UNC13B: variants seen among roughly 807,000 people sequenced by gnomAD.
UNC13B encodes unc-13 homolog B.
A neutral mutation model predicts 211.0 loss-of-function variants in UNC13B; 144 were observed. That is an observed-to-expected ratio of 0.68 (90% CI 0.60 to 0.78). The LOEUF is 0.78. Among genes scored for constraint, UNC13B ranks in the 30% least tolerant of loss-of-function variants. UNC13B has a pLI of 0.00. For missense variants in UNC13B, 1,777 were observed against 2,002.0 expected, an observed-to-expected ratio of 0.89 and a Z score of 2.14; for synonymous variants, 709 against 725.8, an observed-to-expected ratio of 0.98 and a Z score of 0.37.
At chr9:35,314,332 G>T (rs1021866666) in intron 11 of UNC13B, among the ~76,000 whole-genome samples, 1 of 152,144 alleles carries the variant, frequency 6.6e-6, no homozygotes. Context: ...CCCTTACCTA[G>T]CCGGTCCATA....
intron 1 of UNC13B, among the ~76,000 whole-genome samples, chr9:35,165,088 A>G (rs1820963532): frequency 2.6e-5 from 4 of 152,232 alleles, no homozygotes. Context: ...GAACCGAACC[A>G]TTTGAAGAAT....
chr9:35,196,305 G>C (rs914620019), intron 1 of UNC13B, among the ~76,000 whole-genome samples: 19 of 152,158 alleles, frequency 1.2e-4, no homozygotes, highest in Non-Finnish European at 2.8e-4. Flanking sequence ...ACAATGTTTG[G>C]AAATTGTTCC....
intron 24 of UNC13B, among the ~76,000 whole-genome samples, chr9:35,387,632 C>T (rs760499147): frequency 1.3e-5 from 2 of 152,160 alleles, no homozygotes; most frequent in Non-Finnish European, 2.9e-5. Context: ...CTGCTTTTTA[C>T]TTTCTCTCAA....
intron 7 of UNC13B, among the ~76,000 whole-genome samples, chr9:35,265,912 G>A (rs375155957): frequency 1.1e-4 from 16 of 152,174 alleles, no homozygotes; most frequent in East Asian, 5.8e-4. Flanking sequence ...GGCAACCTCC[G>A]TCTCCCTGGT....
intron 1 of UNC13B, among the ~76,000 whole-genome samples, chr9:35,163,024 C>G (rs1820860033): frequency 6.6e-6 from 1 of 152,126 alleles, no homozygotes; most frequent in Non-Finnish European, 1.5e-5. Flanking sequence ...GAACTAAGTT[C>G]TATGTGGGTA....
chr9:35,187,945 G>A (rs1822449908), intron 1 of UNC13B, among the ~76,000 whole-genome samples: 1 of 152,138 alleles, frequency 6.6e-6, no homozygotes, highest in South Asian at 2.1e-4. Flanking sequence ...GAGGAACTAG[G>A]CAGAGAGAAA....
intron 7 of UNC13B, among the ~76,000 whole-genome samples, chr9:35,294,622 A>G (rs1200026598): frequency 6.6e-6 from 1 of 152,216 alleles, no homozygotes. Flanking sequence ...TAATCTTTTA[A>G]AATTACTAAC....
rs953484023 is a variant in UNC13B, at chr9:35,358,474, G to T, written c.9415-8473G>T. Among the ~76,000 whole-genome samples, 4 of 152,100 alleles carry T rather than the reference G, an allele frequency of 2.6e-5. No individual in the cohort carries two copies. The South Asian group carries it at 6.2e-4, about 24-fold the overall frequency. ...TTTTCTTCAACACTTGTTATTTTCT[G>T]TTTTGTTTTTTTTAAGTAATAGCCA... On this transcript the variant is annotated intron_variant, in intron 11 of 39. Coordinates refer to ENST00000635942, the MANE Select transcript of UNC13B (RefSeq NM_001371189.2).
intron 7 of UNC13B, among the ~76,000 whole-genome samples, chr9:35,271,478 A>G (rs1724764462): frequency 6.6e-6 from 1 of 152,186 alleles, no homozygotes; most frequent in Admixed American, 6.6e-5. Context: ...TTTGATACAA[A>G]TCTTGCAACA....
intron 11 of UNC13B, among the ~76,000 whole-genome samples, chr9:35,337,875 T>C (rs952313658): frequency 6.6e-6 from 1 of 152,228 alleles, no homozygotes; most frequent in Non-Finnish European, 1.5e-5. Context: ...GGATATTTGA[T>C]CAATATTAAC....
At chr9:35,170,638 A>T (rs550378579) in intron 1 of UNC13B, among the ~76,000 whole-genome samples, 1 of 151,480 alleles carries the variant, frequency 6.6e-6, no homozygotes, top group African/African-American at 2.4e-5. Flanking sequence ...TTGGCTAATT[A>T]AAAAAAAATT....
Position 35,400,400 on chromosome 9 carries a change from T to C in UNC13B, c.12441T>C (p.Thr4147=), listed in dbSNP as rs1564201330. 6.2e-7 allele frequency: 1 copy of C among 1,614,106 alleles called. No homozygotes were observed. The highest frequency in any genetic ancestry group is 8.5e-7 in the Non-Finnish European group (1 of 1,179,972). ...CCCTGTCTCTGTACACACAGACTAC[T>C]GACACTCTCATCAAGACCTTTGTGC... is the stretch of plus-strand genomic sequence containing the variant. ...RYALSLYTQT[T]DTLIKTFVRS... is the part of the protein sequence containing the mutation. Residue 4147 remains threonine (T), a synonymous_variant, in exon 37 of 40, where the codon ACT becomes ACC. Coordinates refer to ENST00000635942, the MANE Select transcript of UNC13B (RefSeq NM_001371189.2).
intron 7 of UNC13B, among the ~76,000 whole-genome samples, chr9:35,277,159 C>T (rs1828223549): frequency 6.6e-6 from 1 of 152,126 alleles, no homozygotes; most frequent in African/African-American, 2.4e-5. Context: ...GACCTCATCC[C>T]ATCCAGGTTT....
intron 1 of UNC13B, among the ~76,000 whole-genome samples, chr9:35,202,443 G>A (rs1351651020): frequency 6.6e-6 from 1 of 152,182 alleles, no homozygotes; most frequent in Non-Finnish European, 1.5e-5. Context: ...AACGTTGACA[G>A]TGGGGTGTTA....
At chr9:35,194,692 A>G (rs185575143) in intron 1 of UNC13B, among the ~76,000 whole-genome samples, 1 of 152,310 alleles carries the variant, frequency 6.6e-6, no homozygotes, top group East Asian at 1.9e-4. Flanking sequence ...GAAAGGACAG[A>G]GTTGGATTCC....
At chr9:35,367,347 T>G (rs745417446) in intron 12 of UNC13B, among the ~76,000 whole-genome samples, 1 of 152,216 alleles carries the variant, frequency 6.6e-6, no homozygotes, top group Non-Finnish European at 1.5e-5. Context: ...AAACATTTTC[T>G]TTCCATTTCA....
chr9:35,236,005 G>A (rs1217911702), intron 3 of UNC13B, among the ~76,000 whole-genome samples: 1 of 146,650 alleles, frequency 6.8e-6, no homozygotes, highest in African/African-American at 2.6e-5. Context: ...CCCCACTGAG[G>A]TTTAATTGGG....
Position 35,384,312 on chromosome 9 carries a change from A to G in UNC13B, c.10873A>G (p.Arg3625Gly). 6.2e-7 allele frequency: 1 copy of G among 1,613,690 alleles called. No individual in the cohort carries two copies. The highest frequency in any genetic ancestry group is 8.5e-7 in the Non-Finnish European group (1 of 1,179,796). ...NSLRIDLSTYRNNFPAGSPER... is the reference protein window; with the variant it reads ...NSLRIDLSTYGNNFPAGSPER... The stretch of plus-strand genomic sequence containing the variant: ...ACTGAGGATCGACCTCTCTACATAC[A>G]GGGTGAGTGAAGACACGGCTGTGGG... Residue 3625 changes from arginine to glycine, a missense_variant and splice_region_variant, in exon 22 of 40, where the codon AGG (arginine) becomes GGG (glycine). By Grantham distance (125) the Arg-to-Gly change is moderately radical. Coordinates refer to ENST00000635942, the MANE Select transcript of UNC13B (RefSeq NM_001371189.2).
rs1225121798 is a variant in UNC13B, at chr9:35,197,776, C to T, written c.23-30239C>T. Among the ~76,000 whole-genome samples the T allele has an allele frequency of 2.6e-5, 4 of 152,130 alleles. No homozygotes were observed. The East Asian group carries it at 7.7e-4, about 29-fold the overall frequency. On this transcript the variant is annotated intron_variant, in intron 1 of 39. Coordinates refer to ENST00000635942, the MANE Select transcript of UNC13B (RefSeq NM_001371189.2). ...CCTCTCCCACCTTCTCTCCCTCCTG[C>T]TCCAACCGGGTAAGATGTGCCTGCT... is the stretch of plus-strand genomic sequence containing the variant.
Sources: allele counts gnomAD v4.1 joint callset (sites outside exome capture counted in the v4.1 genomes callset), GRCh38; gene constraint gnomAD v4.1.1; transcripts MANE v1.5; gene names NCBI Gene and HGNC (gene_info 2026-07-23, HGNC 2026-07-21).